ZNF28: variants seen among roughly 807,000 people sequenced by gnomAD.
The protein encoded by ZNF28 is zinc finger protein 28.
Under a neutral mutation model 7.2 loss-of-function variants are expected in ZNF28, and 5 were observed. The ratio of observed to expected loss-of-function variants is 0.70; its 90% CI spans 0.36 to 1.46. The LOEUF is 1.46. Among genes scored for constraint, ZNF28 ranks in the 40% most tolerant of loss-of-function variants. The probability of loss-of-function intolerance (pLI) is 0.03; values close to 1 mark genes in which losing one functional copy is unlikely to be tolerated. For missense variants in ZNF28, 879 were observed against 866.6 expected (o/e 1.01, Z -0.18); for synonymous variants, 288 against 292.4 (o/e 0.99, Z 0.15).
rs2063073932 is a variant in ZNF28 at position 52,812,982 on chromosome 19, T to C, written c.16-4849A>G. ...GAGCTTCAATCCTTGAGGTTAATGC[T>C]TAGTAATAAAGTTAAACTAAACTAT... On this transcript the variant is annotated intron_variant, in intron 2 of 3. Coordinates refer to ENST00000457749, the MANE Select transcript of ZNF28 (RefSeq NM_006969.5). Among the ~76,000 whole-genome samples the C allele has an allele frequency of 3.3e-5, 5 of 151,334 alleles. No individual in the cohort carries two copies. The South Asian group carries it at 1.0e-3, about 32-fold the overall frequency.
At chr19:52,817,030 TTGAA>T (rs938898656) in intron 2 of ZNF28, among the ~76,000 whole-genome samples, 1 of 151,978 alleles carries the variant, frequency 6.6e-6, no homozygotes, top group Non-Finnish European at 1.5e-5. Context: ...TTAAGAATGG[TTGAA>T]TGACTCTCCT....
intron 1 of ZNF28, among the ~76,000 whole-genome samples, chr19:52,818,640 G>A (rs1045057674): frequency 5.9e-5 from 9 of 152,148 alleles, no homozygotes; most frequent in Non-Finnish European, 1.2e-4. Flanking sequence ...CTGGAAGGTG[G>A]AGGTTGCAGT....
intron 1 of ZNF28, among the ~76,000 whole-genome samples, chr19:52,819,252 G>C (rs1298565449): frequency 1.4e-5 from 2 of 138,356 alleles, no homozygotes; most frequent in Admixed American, 7.4e-5. Flanking sequence ...TTTTGTCCTG[G>C]GGAACACGGG....
chr19:52,811,233 G>C (rs1202638574), intron 2 of ZNF28, among the ~76,000 whole-genome samples: 1 of 151,138 alleles, frequency 6.6e-6, no homozygotes, highest in Admixed American at 6.6e-5. Context: ...GCGTGATCTC[G>C]GCTCACTACA....
chr19:52,803,220 G>A (rs550688329), intron 3 of ZNF28, among the ~76,000 whole-genome samples: 143 of 152,162 alleles, frequency 9.4e-4, no homozygotes, highest in African/African-American at 3.3e-3. Context: ...GGGAATGCAG[G>A]CACATGCCAC....
rs1395312440 is a variant in ZNF28 at position 52,815,832 on chromosome 19, A to ATAAG, written c.15+2111_15+2112insCTTA. 1.2e-4 allele frequency among the ~76,000 whole-genome samples: 17 copies of ATAAG among 146,892 alleles called. 4 individuals are homozygous for ATAAG. The highest frequency in any genetic ancestry group is 4.5e-4 in the African/African-American group (17 of 37,858). On this transcript the variant is annotated intron_variant, in intron 2 of 3. Coordinates refer to ENST00000457749, the MANE Select transcript of ZNF28 (RefSeq NM_006969.5). Reference sequence around the variant, plus strand: ...AGAGCGAGGCTCCATCTCAAAAAAAATAAATAACTATCGTGTACTGGCCTT... The same window carrying ATAAG: ...AGAGCGAGGCTCCATCTCAAAAAAAATAAGTAAATAACTATCGTGTACTGGCCTT...
At chr19:52,809,547 C>A (rs556360967) in intron 2 of ZNF28, among the ~76,000 whole-genome samples, 1 of 152,158 alleles carries the variant, frequency 6.6e-6, no homozygotes, top group Non-Finnish European at 1.5e-5. Context: ...GTGGCTCACG[C>A]CTGTAATCCC....
chr19:52,802,047 T>C (rs1432134162), intron 3 of ZNF28, among the ~76,000 whole-genome samples: 1 of 152,160 alleles, frequency 6.6e-6, no homozygotes, highest in South Asian at 2.1e-4. Flanking sequence ...AAAATATATA[T>C]TCTTCATATT....
intron 1 of ZNF28, among the ~76,000 whole-genome samples, chr19:52,819,082 A>G (rs949591462): frequency 7.1e-6 from 1 of 140,094 alleles, no homozygotes; most frequent in African/African-American, 2.8e-5. Flanking sequence ...AAGAACAGGG[A>G]CAACAACCTG....
intron 2 of ZNF28, among the ~76,000 whole-genome samples, chr19:52,813,421 C>CTGGGTTGAGACAGAGAATCGCTT (rs1568658837): frequency 4.7e-5 from 7 of 148,220 alleles, no homozygotes; most frequent in South Asian, 4.4e-4. Flanking sequence ...GCAAGCTGCT[C>CTGGGTTGAGACAGAGAATCGCTT]CCCGTGTTTC....
At chr19:52,811,675 G>T (rs2063043490) in intron 2 of ZNF28, among the ~76,000 whole-genome samples, 2 of 148,610 alleles carry the variant, frequency 1.3e-5, no homozygotes, top group Admixed American at 1.3e-4. Flanking sequence ...CGTCTGAGAA[G>T]TGAGGAGCCC....
At chr19:52,821,003 C>A (rs12985295) in intron 1 of ZNF28, among the ~76,000 whole-genome samples, 15,205 of 151,758 alleles carry the variant, frequency 0.1, 1,013 homozygotes, top group South Asian at 0.19. Flanking sequence ...AGAGCTGGAG[C>A]TGGGCGGGCA....
At position 52,799,794 on chromosome 19, in the gene ZNF28, A is replaced by G; in HGVS notation, c.2051T>C (p.Val684Ala). 6.2e-7 allele frequency: 1 copy of G among 1,613,902 alleles called. No individual in the cohort carries two copies. Among genetic ancestry groups the G allele is most frequent in the Non-Finnish European group, 8.5e-7 (1 of 1,180,004 alleles). Reference sequence around the variant, plus strand: ...CTTGTAAGGTTTCTCTCCAGTATGAACTCTCTGATGCTGTGCAAGGTGTGC... The same window carrying G: ...CTTGTAAGGTTTCTCTCCAGTATGAGCTCTCTGATGCTGTGCAAGGTGTGC... ...QQAHLAQHQRVHTGEKPYKCN... is the reference protein window; with the variant it reads ...QQAHLAQHQRAHTGEKPYKCN... Residue 684 changes from valine to alanine, a missense_variant, in exon 4 of 4, where the codon GTT (valine) becomes GCT (alanine). By Grantham distance (64) the Val-to-Ala change is moderately conservative. This residue lies in a region of ZNF28 where 864 missense variants were observed against 830.2 expected (regional missense o/e 1.04). Transcript: ENST00000457749.
rs184154034 is a variant in ZNF28, at chr19:52,803,858, C to T, written c.143-2156G>A. Among the ~76,000 whole-genome samples the T allele has an allele frequency of 2.2e-4, 33 of 152,194 alleles. No homozygotes were observed. In the South Asian group the frequency reaches 6.2e-3, roughly 29 times the overall value. On this transcript the variant is annotated intron_variant, in intron 3 of 3. Transcript: ENST00000457749. ...CCTGTAATCCCAGGTACTTGGTAGT[C>T]TGAGGCAGAAAACATTTGTACCCAG...
chr19:52,810,769 A>AAAAAC, intron 2 of ZNF28: 1 of 516,388 alleles, frequency 1.9e-6, no homozygotes. Context: ...AAAAAAGAAT[A>AAAAAC]AAAAAAAACC....
At chr19:52,809,857 G>A (rs2062993336) in intron 2 of ZNF28, 2 of 638,366 alleles carry the variant, frequency 3.1e-6, no homozygotes, top group Non-Finnish European at 5.5e-6. Context: ...GGTGGCAGTA[G>A]CACTGGGCCT....
intron 2 of ZNF28, 88 bp downstream of exon 2, chr19:52,817,856 C>G (rs2063146649): frequency 6.3e-7 from 1 of 1,596,618 alleles, no homozygotes; most frequent in East Asian, 2.2e-5. Flanking sequence ...AGGCAGGACA[C>G]TTCAGACTCA....
intron 2 of ZNF28, chr19:52,809,918 C>A: frequency 1.2e-6 from 1 of 848,760 alleles, no homozygotes. Context: ...TGCCCGGGGC[C>A]GGTGGGGAGG....
intron 1 of ZNF28, among the ~76,000 whole-genome samples, chr19:52,820,868 T>C (rs2063188396): frequency 6.6e-6 from 1 of 152,118 alleles, no homozygotes; most frequent in Non-Finnish European, 1.5e-5. Flanking sequence ...TCATTCTTCT[T>C]TTCTCTGTCT....
Sources: gnomAD v4.1 joint callset for allele counts (sites outside exome capture counted in the v4.1 genomes callset) on GRCh38, gnomAD v4.1.1 for gene constraint, gnomAD v4.1.1 regional missense constraint, MANE v1.5 for transcripts, NCBI Gene and HGNC (gene_info 2026-07-23, HGNC 2026-07-21) for gene names.